The following CCDC192 variants were observed in gnomAD, a reference collection of about 807,000 sequenced individuals.
CCDC192 encodes the protein coiled-coil domain-containing protein 192.
intron 5 of CCDC192, among the ~76,000 whole-genome samples, chr5:127,841,035 A>G (rs1750259305): frequency 6.6e-6 from 1 of 152,208 alleles, no homozygotes; most frequent in African/African-American, 2.4e-5. Context: ...CTTGTATAGA[A>G]ATAAGATGTG....
intron 5 of CCDC192, among the ~76,000 whole-genome samples, chr5:127,833,373 C>G (rs1749889082): frequency 6.6e-6 from 1 of 152,082 alleles, no homozygotes; most frequent in African/African-American, 2.4e-5. Context: ...TGGGCACATG[C>G]AGAGCTCACT....
Position 127,941,473 on chromosome 5 carries a change from C to T in CCDC192, c.*5C>T, listed in dbSNP as rs940776563. 4.0e-5 allele frequency: 16 copies of T among 398,762 alleles called. No homozygotes were observed. Among genetic ancestry groups the T allele is most frequent in the Non-Finnish European group, 1.8e-5 (4 of 226,050 alleles). The allele number at this position is 398,762 out of a possible 1,614,324, so 24.7% of individuals were successfully genotyped here. A position where few individuals can be genotyped will look rare whatever the true frequency, so the allele number is the denominator to read the frequency against. On this transcript the variant is annotated 3_prime_UTR_variant, in exon 7 of 7. Coordinates refer to ENST00000514853, the MANE Select transcript of CCDC192 (RefSeq NM_001317938.2). ...GTCTCTGATGAGAATTTGTAGATTC[C>T]CAATAAGAAAACAATAAAAGTTTAT...
At chr5:127,803,542 T>A (rs1236668473) in intron 5 of CCDC192, among the ~76,000 whole-genome samples, 2 of 152,200 alleles carry the variant, frequency 1.3e-5, no homozygotes, top group Non-Finnish European at 2.9e-5. Context: ...AATAAAAAAT[T>A]CCTTTTAAAA....
intron 5 of CCDC192, among the ~76,000 whole-genome samples, chr5:127,821,814 G>A (rs2127021269): frequency 6.6e-6 from 1 of 152,302 alleles, no homozygotes; most frequent in South Asian, 2.1e-4. Context: ...AAGACCCTGA[G>A]ATAGAAGGTG....
chr5:127,742,540 C>T (rs114203346), intron 2 of CCDC192, among the ~76,000 whole-genome samples: 111 of 152,212 alleles, frequency 7.3e-4, no homozygotes, highest in African/African-American at 2.6e-3. Flanking sequence ...GGAAAGGTCA[C>T]CTGATAAAAC....
intron 2 of CCDC192, among the ~76,000 whole-genome samples, chr5:127,736,048 T>G (rs536298543): frequency 1.2e-3 from 90 of 75,572 alleles, no homozygotes; most frequent in South Asian, 3.8e-3. Context: ...CCATTCAGTA[T>G]GATATTGGCT....
intron 2 of CCDC192, among the ~76,000 whole-genome samples, chr5:127,716,422 C>T (rs1751625754): frequency 6.6e-6 from 1 of 152,042 alleles, no homozygotes; most frequent in Non-Finnish European, 1.5e-5. Context: ...AGCAAGAATT[C>T]TCTTCACTTC....
rs193065867 is a variant in CCDC192, at chr5:127,922,630, A to G, written c.536-18552A>G. Among the ~76,000 whole-genome samples the G allele has an allele frequency of 5.3e-5, 8 of 152,320 alleles. No homozygotes were observed. In the East Asian group the frequency reaches 1.5e-3, roughly 29 times the overall value. ...GTGGCACACACTTGTAGTCCCAGCT[A>G]CCCAGGAGGCTGAAGTACGAGGATC... On this transcript the variant is annotated intron_variant, in intron 6 of 6. Transcript: ENST00000514853.
intron 6 of CCDC192, among the ~76,000 whole-genome samples, chr5:127,930,728 G>A (rs915243765): frequency 6.6e-6 from 1 of 152,216 alleles, no homozygotes; most frequent in African/African-American, 2.4e-5. Context: ...GAACTGATGA[G>A]CTAAGTAAGT....
At chr5:127,919,027 GTA>G (rs899721650) in intron 6 of CCDC192, among the ~76,000 whole-genome samples, 23 of 150,562 alleles carry the variant, frequency 1.5e-4, no homozygotes, top group Middle Eastern at 3.4e-3. Context: ...GTGTGTATGT[GTA>G]TATATGTGTG....
At chr5:127,723,477 G>C (rs530818095) in intron 2 of CCDC192, among the ~76,000 whole-genome samples, 2 of 152,252 alleles carry the variant, frequency 1.3e-5, no homozygotes, top group South Asian at 2.1e-4. Flanking sequence ...GCTCTAGGTA[G>C]GAGTTCTAGT....
At chr5:127,820,925 C>T (rs527456761) in intron 5 of CCDC192, among the ~76,000 whole-genome samples, 19 of 152,176 alleles carry the variant, frequency 1.2e-4, no homozygotes, top group African/African-American at 3.4e-4. Context: ...TCATTAAGTT[C>T]GAGATCTCAC....
intron 6 of CCDC192, among the ~76,000 whole-genome samples, chr5:127,931,707 A>C (rs1217557002): frequency 6.6e-6 from 1 of 152,098 alleles, no homozygotes; most frequent in African/African-American, 2.4e-5. Flanking sequence ...ACTCAAGCAG[A>C]ATTTCAAGGA....
At chr5:127,875,456 T>G (rs1752036496) in intron 5 of CCDC192, 82 bp from the exon 6 acceptor site, 5 of 394,866 alleles carry the variant, frequency 1.3e-5, no homozygotes, top group Non-Finnish European at 2.2e-5. Flanking sequence ...AGGCAGTGTT[T>G]GTTCAGACAT....
chr5:127,884,389 T>G (rs1752485046), intron 6 of CCDC192, among the ~76,000 whole-genome samples: 1 of 111,332 alleles, frequency 9.0e-6, no homozygotes, highest in African/African-American at 3.3e-5. Flanking sequence ...AGAGACTGCA[T>G]CTCAAAAAAA....
At chr5:127,716,985 A>G (rs993907613) in intron 2 of CCDC192, among the ~76,000 whole-genome samples, 2 of 152,196 alleles carry the variant, frequency 1.3e-5, no homozygotes, top group African/African-American at 4.8e-5. Context: ...ATCAGAATAA[A>G]TCATAACCTA....
intron 3 of CCDC192, among the ~76,000 whole-genome samples, chr5:127,782,271 AG>A: frequency 6.6e-6 from 1 of 152,180 alleles, no homozygotes; most frequent in Non-Finnish European, 1.5e-5. Flanking sequence ...ATCGGTCTGT[AG>A]TTTCCTTTTT....
In CCDC192 at chr5:127,736,378, G is replaced by T. The variant is rs1211971686; in HGVS notation, c.115-17890G>T. On this transcript the variant is annotated intron_variant, in intron 2 of 6. Coordinates refer to ENST00000514853, the MANE Select transcript of CCDC192 (RefSeq NM_001317938.2). ...GCATCAATGTTCATCAAGGATATTGGTCTAAAATTCTCTTTTTTTGTTGTG... is the reference window on the plus strand; with the variant it reads ...GCATCAATGTTCATCAAGGATATTGTTCTAAAATTCTCTTTTTTTGTTGTG... Among the ~76,000 whole-genome samples the T allele has an allele frequency of 1.9e-4, 29 of 150,534 alleles. 1 individual carries two copies. The highest frequency in any genetic ancestry group is 1.4e-3 in the East Asian group (7 of 5,124).
intron 3 of CCDC192, among the ~76,000 whole-genome samples, chr5:127,792,367 G>A (rs924211629): frequency 1.3e-5 from 2 of 152,166 alleles, no homozygotes; most frequent in African/African-American, 4.8e-5. Context: ...ATCAGATCTT[G>A]TGAGAACTCA....
Sources: gnomAD v4.1 joint callset for allele counts (sites outside exome capture counted in the v4.1 genomes callset) on GRCh38, gnomAD v4.1.1 for gene constraint, MANE v1.5 for transcripts, NCBI Gene and HGNC (gene_info 2026-07-23, HGNC 2026-07-21) for gene names.